ADARB2: variants seen among roughly 807,000 people sequenced by gnomAD.
ADARB2 encodes the protein adenosine deaminase RNA specific B2 (inactive), also known as inactive double-stranded RNA-specific editase B2.
Under a neutral mutation model 62.2 loss-of-function variants are expected in ADARB2, and 25 were observed. That is an observed-to-expected ratio of 0.40 (90% confidence interval 0.29 to 0.56). The LOEUF is 0.56. ADARB2 is among the 20% of genes least tolerant of loss of function. The probability of loss-of-function intolerance (pLI) is 0.43; values close to 1 mark genes in which losing one functional copy is unlikely to be tolerated. For synonymous variants in ADARB2, 572 were observed against 500.8 expected, an observed-to-expected ratio of 1.14 and a Z score of -1.90; for missense variants, 1,071 against 1,077.4, an observed-to-expected ratio of 0.99 and a Z score of 0.08.
At chr10:1,368,563 G>A (rs1310300163) in intron 2 of ADARB2, among the ~76,000 whole-genome samples, 1 of 152,098 alleles carries the variant, frequency 6.6e-6, no homozygotes, top group Non-Finnish European at 1.5e-5. Context: ...CTGGGGTTGC[G>A]TCTCCCTCCT....
At chr10:1,221,508 C>T (rs963163892) in intron 6 of ADARB2, among the ~76,000 whole-genome samples, 7 of 151,586 alleles carry the variant, frequency 4.6e-5, no homozygotes, top group Middle Eastern at 6.9e-3. Flanking sequence ...TGTTGGTGTG[C>T]TGCACCCAGT....
At chr10:1,602,286 C>A (rs1442167948) in intron 1 of ADARB2, among the ~76,000 whole-genome samples, 1 of 152,192 alleles carries the variant, frequency 6.6e-6, no homozygotes, top group Non-Finnish European at 1.5e-5. Flanking sequence ...TCCTTCTGTG[C>A]CTGCAGAGGC....
At chr10:1,601,835 G>A (rs1833419230) in intron 1 of ADARB2, among the ~76,000 whole-genome samples, 1 of 152,190 alleles carries the variant, frequency 6.6e-6, no homozygotes, top group Non-Finnish European at 1.5e-5. Context: ...AGTGAGAAAA[G>A]TTCAGTTTCA....
chr10:1,234,368 A>G (rs1830842470), intron 5 of ADARB2, among the ~76,000 whole-genome samples: 1 of 152,176 alleles, frequency 6.6e-6, no homozygotes, highest in Non-Finnish European at 1.5e-5. Context: ...CAATGAAACT[A>G]CGTGAATGCG....
rs527518194 is a variant in ADARB2 at position 1,459,794 on chromosome 10, A to G, written c.101-80634T>C. Among the ~76,000 whole-genome samples the G allele has an allele frequency of 7.5e-4, 115 of 152,336 alleles. 1 individual carries two copies. In the Middle Eastern group the frequency reaches 0.014, roughly 18 times the overall value. On this transcript the variant is annotated intron_variant, in intron 1 of 9. Transcript: ENST00000381312. ...AAGAATGATGAAGCCACATGGACTC[A>G]GAGAGGGGAACAACACACACTGGGG...
At chr10:1,672,553 G>A (rs1051175481) in intron 1 of ADARB2, among the ~76,000 whole-genome samples, 1 of 151,868 alleles carries the variant, frequency 6.6e-6, no homozygotes, top group Non-Finnish European at 1.5e-5. Context: ...GCCTCGCGCA[G>A]CTCCTGCCTC....
At chr10:1,278,313 T>C (rs1831338880) in intron 3 of ADARB2, among the ~76,000 whole-genome samples, 1 of 150,844 alleles carries the variant, frequency 6.6e-6, no homozygotes, top group Non-Finnish European at 1.5e-5. Flanking sequence ...AAGTTTCAAC[T>C]TATATTTTGG....
chr10:1,220,041 A>G (rs1451255922), intron 6 of ADARB2, among the ~76,000 whole-genome samples: 732 of 59,822 alleles, frequency 0.012, no homozygotes, highest in Middle Eastern at 0.065. Flanking sequence ...TGATGATGGT[A>G]ATGGTGATGG....
At chr10:1,302,225 G>A (rs1490274253) in intron 3 of ADARB2, among the ~76,000 whole-genome samples, 2 of 152,246 alleles carry the variant, frequency 1.3e-5, no homozygotes. Flanking sequence ...GGAAGCGCAA[G>A]GGGTCAGGGA....
At chr10:1,221,833 G>T (rs981765924) in intron 6 of ADARB2, among the ~76,000 whole-genome samples, 8 of 152,090 alleles carry the variant, frequency 5.3e-5, no homozygotes, top group Admixed American at 1.3e-4. Flanking sequence ...GGACATTTAG[G>T]TTGGTTCCAA....
At chr10:1,271,452 T>C (rs1487400305) in intron 3 of ADARB2, among the ~76,000 whole-genome samples, 1 of 152,144 alleles carries the variant, frequency 6.6e-6, no homozygotes, top group African/African-American at 2.4e-5. Flanking sequence ...TTCTGAGTAT[T>C]CCAGAGCCAG....
chr10:1,472,978 C>A (rs1331812100), intron 1 of ADARB2, among the ~76,000 whole-genome samples: 1 of 152,162 alleles, frequency 6.6e-6, no homozygotes, highest in Non-Finnish European at 1.5e-5. Flanking sequence ...GACTGGTGAT[C>A]AGCAGCTTCC....
Position 1,190,838 on chromosome 10 carries a change from GACA to G in ADARB2, c.1865-5802_1865-5800del, listed in dbSNP as rs548383565. On this transcript the variant is annotated intron_variant, in intron 8 of 9. Transcript: ENST00000381312. Reference sequence around the variant, plus strand: ...ACATCTGCAAAGACCCCTTTTTTCAGACAAGGTAATTTACAGGTCAGGGATTAG... The same window carrying G: ...ACATCTGCAAAGACCCCTTTTTTCAGAGGTAATTTACAGGTCAGGGATTAG... Among the ~76,000 whole-genome samples, 6 of 152,232 alleles carry G rather than the reference GACA, an allele frequency of 3.9e-5. No individual in the cohort carries two copies. In the South Asian group the frequency reaches 1.2e-3, roughly 32 times the overall value.
At chr10:1,544,897 A>ATAAAGTCTACATATTAGG (rs1184922369) in intron 1 of ADARB2, among the ~76,000 whole-genome samples, 1 of 151,384 alleles carries the variant, frequency 6.6e-6, no homozygotes, top group Non-Finnish European at 1.5e-5. Flanking sequence ...TACATTATAT[A>ATAAAGTCTACATATTAGG]TAAAGTCTAC....
intron 1 of ADARB2, among the ~76,000 whole-genome samples, chr10:1,692,854 C>T (rs1834690390): frequency 6.6e-6 from 1 of 152,150 alleles, no homozygotes; most frequent in African/African-American, 2.4e-5. Context: ...TCTCAAGGTT[C>T]TATGTTAGAC....
At chr10:1,331,287 A>T (rs1831925494) in intron 3 of ADARB2, among the ~76,000 whole-genome samples, 1 of 152,262 alleles carries the variant, frequency 6.6e-6, no homozygotes, top group South Asian at 2.1e-4. Context: ...ATATCTACAT[A>T]AAACCACATA....
intron 3 of ADARB2, among the ~76,000 whole-genome samples, chr10:1,298,765 T>C: frequency 9.4e-6 from 1 of 106,858 alleles, no homozygotes. Flanking sequence ...TTTTTTTTTT[T>C]TTTTTTTAGA....
At chr10:1,272,189 A>G (rs556133114) in intron 3 of ADARB2, among the ~76,000 whole-genome samples, 1 of 152,306 alleles carries the variant, frequency 6.6e-6, no homozygotes, top group East Asian at 1.9e-4. Flanking sequence ...TCCAGGAGGC[A>G]GGAAACAGTC....
chr10:1,707,029 G>A (rs1834898647), intron 1 of ADARB2, among the ~76,000 whole-genome samples: 1 of 152,168 alleles, frequency 6.6e-6, no homozygotes, highest in Non-Finnish European at 1.5e-5. Context: ...GAGTGAAGAG[G>A]GAGATACACC....
Sources: allele counts gnomAD v4.1 joint callset (sites outside exome capture counted in the v4.1 genomes callset), GRCh38; gene constraint gnomAD v4.1.1; transcripts MANE v1.5; gene names NCBI Gene and HGNC (gene_info 2026-07-23, HGNC 2026-07-21).